DOCK4: variants seen among roughly 807,000 people sequenced by gnomAD.
DOCK4 encodes dedicator of cytokinesis protein 4.
Under a neutral mutation model 268.1 loss-of-function variants are expected in DOCK4, and 97 were observed. That is an observed-to-expected ratio of 0.36 (90% CI 0.31 to 0.43). The LOEUF (loss-of-function observed/expected upper bound fraction) is 0.43. DOCK4 is among the 20% of genes least tolerant of loss of function. The pLI is 1.00. For synonymous variants in DOCK4, 954 were observed against 887.2 expected (o/e 1.08, Z -1.34); for missense variants, 2,145 against 2,455.7 (o/e 0.87, Z 2.67).
intron 1 of DOCK4, among the ~76,000 whole-genome samples, chr7:112,165,522 ACG>A (rs1817514512): frequency 1.1e-5 from 1 of 94,416 alleles, no homozygotes; most frequent in Non-Finnish European, 2.2e-5. Flanking sequence ...GGAATAGTAT[ACG>A]TGTGTGTGTG....
rs771081548 is a variant in DOCK4, at chr7:111,784,071, A to G, written c.3428+26T>C. 17 of 1,580,296 alleles carry G rather than the reference A, an allele frequency of 1.1e-5. No individual in the cohort carries two copies. In the Middle Eastern group the frequency reaches 6.6e-4, roughly 61 times the overall value. On this transcript the variant is annotated intron_variant, in intron 33 of 52. Coordinates refer to ENST00000428084, the MANE Select transcript of DOCK4 (RefSeq NM_001363540.2). The stretch of plus-strand genomic sequence containing the variant: ...GCAACCACTGCAACATCTCACAAGT[A>G]GCACAATTTGCAAACAATGTCTTAC...
intron 22 of DOCK4, among the ~76,000 whole-genome samples, chr7:111,863,890 G>A (rs932735778): frequency 6.6e-6 from 1 of 152,130 alleles, no homozygotes; most frequent in African/African-American, 2.4e-5. Flanking sequence ...CCAAGACCTG[G>A]ATTGTAGTCA....
intron 1 of DOCK4, among the ~76,000 whole-genome samples, chr7:112,013,683 A>T (rs953937537): frequency 1.1e-4 from 16 of 152,316 alleles, no homozygotes; most frequent in Admixed American, 6.5e-4. Context: ...ATGTGAAGAG[A>T]CCAGCAAACA....
chr7:112,149,182 T>G (rs1246025221), intron 1 of DOCK4, among the ~76,000 whole-genome samples: 7 of 152,184 alleles, frequency 4.6e-5, no homozygotes, highest in Non-Finnish European at 1.5e-5. Context: ...TAAAAGATGG[T>G]GCAACTGCGC....
intron 1 of DOCK4, chr7:112,023,393 T>G: frequency 4.3e-6 from 1 of 234,784 alleles, no homozygotes. Flanking sequence ...CCCTTAAGAT[T>G]TGGTGTTTAC....
chr7:111,876,997 A>C, intron 17 of DOCK4, 33 bp downstream of exon 17: 1 of 1,431,314 alleles, frequency 7.0e-7, no homozygotes, highest in Non-Finnish European at 9.2e-7. Context: ...ATTATTAGGT[A>C]CTAGGGCTTT....
At chr7:111,939,747 C>T (rs1795051722) in intron 11 of DOCK4, among the ~76,000 whole-genome samples, 1 of 152,116 alleles carries the variant, frequency 6.6e-6, no homozygotes, top group Non-Finnish European at 1.5e-5. Flanking sequence ...ATCTGGGCTT[C>T]CCTTCCCCAA....
chr7:111,889,757 T>C (rs1386925660), intron 16 of DOCK4, among the ~76,000 whole-genome samples: 1 of 152,216 alleles, frequency 6.6e-6, no homozygotes, highest in Non-Finnish European at 1.5e-5. Context: ...GTCTATGTCA[T>C]CATATTAAAT....
Position 111,728,293 on chromosome 7 carries a change from C to T in DOCK4, c.5909G>A (p.Arg1970His). The part of the protein sequence containing the change: ...DPGPRPRPLP[R>H]KVSQL ...AGTGACTTATAACTGAGAGACCTTGCGGGGCAGGGGCCTGGGCCGCGGGCC... is the reference window on the plus strand; with the variant it reads ...AGTGACTTATAACTGAGAGACCTTGTGGGGCAGGGGCCTGGGCCGCGGGCC... Residue 1970 changes from arginine (R) to histidine (H), a missense_variant, in exon 53 of 53, where the codon CGC becomes CAC. Around this residue, in one of 2 missense-constraint regions of DOCK4, gnomAD observed 547 missense variants for 469.0 expected, o/e 1.17. Transcript: ENST00000428084. 6.7e-6 allele frequency: 10 copies of T among 1,497,650 alleles called. No individual in the cohort carries two copies. The highest frequency in any genetic ancestry group is 1.4e-5 in the African/African-American group (1 of 71,052). 92.8% of individuals were successfully genotyped at this position (1,497,650 alleles called of 1,614,324 possible).
chr7:111,984,555 G>A (rs932166325), intron 6 of DOCK4, among the ~76,000 whole-genome samples, 165 bp from the exon 7 acceptor site: 10 of 152,124 alleles, frequency 6.6e-5, no homozygotes, highest in East Asian at 1.9e-4. Context: ...ATATAACTCC[G>A]CTGGACACTG....
chr7:111,970,469 A>T (rs1797621591), intron 8 of DOCK4, among the ~76,000 whole-genome samples: 1 of 152,212 alleles, frequency 6.6e-6, no homozygotes, highest in Non-Finnish European at 1.5e-5. Flanking sequence ...TATAATAAGC[A>T]TTACATAAGT....
intron 1 of DOCK4, among the ~76,000 whole-genome samples, chr7:112,066,635 C>T: frequency 1.8e-5 from 2 of 110,844 alleles, no homozygotes; most frequent in African/African-American, 9.3e-5. Flanking sequence ...TGTATATATA[C>T]ACACATATAC....
chr7:111,902,859 T>A (rs1379365513), intron 13 of DOCK4, among the ~76,000 whole-genome samples: 1 of 152,062 alleles, frequency 6.6e-6, no homozygotes, highest in Non-Finnish European at 1.5e-5. Context: ...AAGCTCCGCC[T>A]CCCAGGTTCC....
At chr7:111,939,635 C>CA (rs1795042975) in intron 11 of DOCK4, among the ~76,000 whole-genome samples, 1 of 151,846 alleles carries the variant, frequency 6.6e-6, no homozygotes, top group South Asian at 2.1e-4. Flanking sequence ...GCAAAAATTT[C>CA]AAAAAATTGC....
rs1807470597 is a variant in DOCK4 at position 112,070,300 on chromosome 7, ATAT to A, written c.38-66172_38-66170del. On this transcript the variant is annotated intron_variant, in intron 1 of 52. Coordinates refer to ENST00000428084, the MANE Select transcript of DOCK4 (RefSeq NM_001363540.2). ...CAGGGGTGGGAGGAAGAAGGAAGGGATATTATGATTTCAGCACTTCGGGCTTAA... is the reference window on the plus strand; with the variant it reads ...CAGGGGTGGGAGGAAGAAGGAAGGGATATGATTTCAGCACTTCGGGCTTAA... 2.0e-5 allele frequency among the ~76,000 whole-genome samples: 3 copies of A among 152,244 alleles called. No individual in the cohort carries two copies. In the South Asian group the frequency reaches 6.2e-4, roughly 32 times the overall value.
chr7:112,075,720 C>T (rs1808004582), intron 1 of DOCK4, among the ~76,000 whole-genome samples: 2 of 151,962 alleles, frequency 1.3e-5, no homozygotes, highest in Non-Finnish European at 1.5e-5. Context: ...CATTCACATG[C>T]ATAGTCACAA....
intron 1 of DOCK4, among the ~76,000 whole-genome samples, chr7:112,060,310 C>G (rs755863124): frequency 6.6e-6 from 1 of 152,126 alleles, no homozygotes. Flanking sequence ...AAAAAAACCC[C>G]AGAAACTAAC....
In DOCK4 at chr7:111,983,844, ACGCGCGCGCG is replaced by A. The variant is rs57929541; in HGVS notation, c.549+452_549+461del. On this transcript the variant is annotated intron_variant, in intron 7 of 52. Transcript: ENST00000428084. The stretch of plus-strand genomic sequence containing the variant: ...AGTGCTATTATGTATGTACACACAC[ACGCGCGCGCG>A]CGCGCGCGCACACACACACACACAC... Among the ~76,000 whole-genome samples, 1,291 of 138,964 alleles carry A rather than the reference ACGCGCGCGCG, an allele frequency of 9.3e-3. 19 individuals are homozygous for A. The highest frequency in any genetic ancestry group is 0.031 in the African/African-American group (1,058 of 34,660). The allele number at this position is 138,964 out of a possible 152,430, so 91.2% of individuals were successfully genotyped here. A position where few individuals can be genotyped will look rare whatever the true frequency, so the allele number is the denominator to read the frequency against.
chr7:112,173,351 T>A (rs571107252), intron 1 of DOCK4, among the ~76,000 whole-genome samples: 1 of 152,330 alleles, frequency 6.6e-6, no homozygotes, highest in East Asian at 1.9e-4. Flanking sequence ...GAGGGAAATG[T>A]CACTTCCGGA....
Sources: gnomAD v4.1 joint callset for allele counts (sites outside exome capture counted in the v4.1 genomes callset) on GRCh38, gnomAD v4.1.1 for gene constraint, gnomAD v4.1.1 regional missense constraint, MANE v1.5 for transcripts, NCBI Gene and HGNC (gene_info 2026-07-23, HGNC 2026-07-21) for gene names.